Variants in ADARB2 observed in about 807,000 individuals in gnomAD.
ADARB2 encodes adenosine deaminase RNA specific B2 (inactive), also known as inactive double-stranded RNA-specific editase B2.
In ADARB2, 25 loss-of-function variants were observed where a neutral mutation model predicts 62.2. That is an observed-to-expected ratio of 0.40 (90% CI 0.29 to 0.56). ADARB2 has a LOEUF of 0.56. Among genes scored for constraint, ADARB2 ranks in the 20% least tolerant of loss-of-function variants. The probability of loss-of-function intolerance (pLI) is 0.43; values close to 1 mark genes in which losing one functional copy is unlikely to be tolerated. For missense variants in ADARB2, 1,071 were observed against 1,077.4 expected (o/e 0.99, Z 0.08); for synonymous variants, 572 against 500.8 (o/e 1.14, Z -1.90).
At chr10:1,674,067 C>T (rs1260632907) in intron 1 of ADARB2, among the ~76,000 whole-genome samples, 1 of 152,224 alleles carries the variant, frequency 6.6e-6, no homozygotes, top group Admixed American at 6.5e-5. Flanking sequence ...CTGCTGCAAT[C>T]CCCTGAAGTC....
At chr10:1,227,462 G>A (rs1355020655) in intron 6 of ADARB2, among the ~76,000 whole-genome samples, 1 of 152,224 alleles carries the variant, frequency 6.6e-6, no homozygotes, top group Admixed American at 6.5e-5. Context: ...CGGTACCTCA[G>A]TTGGAAATGC....
chr10:1,413,966 C>CA (rs1362844076), intron 1 of ADARB2, among the ~76,000 whole-genome samples: 1 of 152,110 alleles, frequency 6.6e-6, no homozygotes, highest in African/African-American at 2.4e-5. Flanking sequence ...CAGTGAAGCC[C>CA]AAAAAACAAT....
rs907854049 is a variant in ADARB2, at chr10:1,241,410, C to T, written c.1361+721G>A. Among the ~76,000 whole-genome samples, 8 of 152,180 alleles carry T rather than the reference C, an allele frequency of 5.3e-5. 1 individual carries two copies. The East Asian group carries it at 5.8e-4, about 11-fold the overall frequency. On this transcript the variant is annotated intron_variant, in intron 5 of 9. Coordinates refer to ENST00000381312, the MANE Select transcript of ADARB2 (RefSeq NM_018702.4). ...CAAAGCCCCCCAAGGTCCCATTACT[C>T]GTAGATTTGAGGAACGCAGATGGCT... is the stretch of plus-strand genomic sequence containing the variant.
rs531669757 is a variant in ADARB2 at position 1,592,301 on chromosome 10, C to T, written c.100+144750G>A. The stretch of plus-strand genomic sequence containing the variant: ...TGTAGGTCTCCTCTCTGGCATGGTC[C>T]CCTCTGTCACCCAGCTTCCCTCGCC... On this transcript the variant is annotated intron_variant, in intron 1 of 9. Transcript: ENST00000381312. 4.7e-3 allele frequency among the ~76,000 whole-genome samples: 688 copies of T among 147,686 alleles called. 3 individuals carry two copies. Among genetic ancestry groups the T allele is most frequent in the African/African-American group, 0.017 (655 of 37,448 alleles).
At chr10:1,241,173 T>C (rs1020659482) in intron 5 of ADARB2, among the ~76,000 whole-genome samples, 1 of 152,062 alleles carries the variant, frequency 6.6e-6, no homozygotes. Flanking sequence ...GTGGGAGAAT[T>C]GCTTCAACCC....
At chr10:1,351,164 C>T (rs1189537633) in intron 3 of ADARB2, among the ~76,000 whole-genome samples, 4 of 152,226 alleles carry the variant, frequency 2.6e-5, no homozygotes, top group Non-Finnish European at 4.4e-5. Context: ...CCCTGGAACT[C>T]TGGCCCAAGG....
chr10:1,435,015 C>T (rs1347801785), intron 1 of ADARB2, among the ~76,000 whole-genome samples: 5 of 152,256 alleles, frequency 3.3e-5, no homozygotes, highest in African/African-American at 7.2e-5. Context: ...GGCACTTGGG[C>T]TCACAGCTTC....
intron 1 of ADARB2, among the ~76,000 whole-genome samples, chr10:1,410,297 T>C (rs59835957): frequency 1.1e-4 from 14 of 128,530 alleles, no homozygotes; most frequent in South Asian, 9.1e-4. Context: ...TCAGTGGTGC[T>C]GAGGCCTGGC....
chr10:1,209,506 C>T (rs545659612), intron 7 of ADARB2, among the ~76,000 whole-genome samples: 42 of 125,584 alleles, frequency 3.3e-4, no homozygotes, highest in African/African-American at 1.0e-3. Context: ...CCCATGCCTA[C>T]ACTGTCACCC....
At chr10:1,539,501 C>G (rs2131966767) in intron 1 of ADARB2, among the ~76,000 whole-genome samples, 1 of 152,330 alleles carries the variant, frequency 6.6e-6, no homozygotes, top group East Asian at 1.9e-4. Context: ...ACTAGGCTAC[C>G]TATGGTGGTC....
intron 3 of ADARB2, among the ~76,000 whole-genome samples, chr10:1,295,150 A>G (rs1831512358): frequency 6.6e-6 from 1 of 152,188 alleles, no homozygotes; most frequent in Non-Finnish European, 1.5e-5. Flanking sequence ...GTTTGAGGTC[A>G]TGGCGTTATG....
intron 8 of ADARB2, among the ~76,000 whole-genome samples, chr10:1,191,948 G>A (rs1347950789): frequency 1.3e-5 from 2 of 152,160 alleles, no homozygotes; most frequent in East Asian, 1.9e-4. Flanking sequence ...AACTACCACC[G>A]TGATCAGCAC....
chr10:1,571,791 T>TGGTGTGTGGACA (rs1832939091), intron 1 of ADARB2, among the ~76,000 whole-genome samples: 2 of 66,798 alleles, frequency 3.0e-5, no homozygotes, highest in Admixed American at 1.3e-4. Flanking sequence ...GGTGATATGC[T>TGGTGTGTGGACA]GGTGAGTGGA....
intron 1 of ADARB2, among the ~76,000 whole-genome samples, chr10:1,510,110 CT>C (rs1831908526): frequency 3.0e-4 from 32 of 106,252 alleles, no homozygotes; most frequent in African/African-American, 1.1e-3. Context: ...CTTTCTTTCT[CT>C]CTTTCTTTCT....
chr10:1,453,809 T>C (rs1439793484), intron 1 of ADARB2, among the ~76,000 whole-genome samples: 10 of 152,150 alleles, frequency 6.6e-5, no homozygotes. Context: ...TACCGCCTCA[T>C]ACCCACTGGA....
intron 3 of ADARB2, among the ~76,000 whole-genome samples, chr10:1,323,708 AG>A (rs1409301219): frequency 6.6e-6 from 1 of 152,208 alleles, no homozygotes; most frequent in African/African-American, 2.4e-5. Flanking sequence ...TAAAAAAAAA[AG>A]TAAACTGTAA....
intron 1 of ADARB2, among the ~76,000 whole-genome samples, chr10:1,736,086 A>T (rs1835296634): frequency 1.3e-5 from 2 of 152,036 alleles, no homozygotes; most frequent in African/African-American, 4.8e-5. Context: ...TACCTCACTT[A>T]AAAAAAATCA....
intron 3 of ADARB2, among the ~76,000 whole-genome samples, chr10:1,309,771 G>A (rs1831667244): frequency 6.6e-6 from 1 of 152,152 alleles, no homozygotes; most frequent in Non-Finnish European, 1.5e-5. Flanking sequence ...GGGCTCTCTG[G>A]GGTGTGGCCC....
chr10:1,515,073 T>C (rs1831992217), intron 1 of ADARB2, among the ~76,000 whole-genome samples: 1 of 152,194 alleles, frequency 6.6e-6, no homozygotes. Context: ...CAAGTTCAAT[T>C]TAAATTTTAG....
Sources: gnomAD v4.1 joint callset for allele counts (sites outside exome capture counted in the v4.1 genomes callset) on GRCh38, gnomAD v4.1.1 for gene constraint, MANE v1.5 for transcripts, NCBI Gene and HGNC (gene_info 2026-07-23, HGNC 2026-07-21) for gene names.